The following SPAG16 variants were observed in gnomAD, a reference collection of about 807,000 sequenced individuals.
The protein encoded by SPAG16 is sperm associated antigen 16, also known as sperm-associated antigen 16 protein.
In SPAG16, 86 loss-of-function variants were observed where a neutral mutation model predicts 80.4. The ratio of observed to expected loss-of-function variants is 1.07; its 90% CI spans 0.90 to 1.28. SPAG16 has a LOEUF of 1.28. Among genes scored for constraint, SPAG16 ranks in the 50% most tolerant of loss-of-function variants. SPAG16 has a pLI of 0.00. For synonymous variants in SPAG16, 294 were observed against 265.9 expected, an observed-to-expected ratio of 1.11 and a Z score of -1.03; for missense variants, 870 against 765.3, an observed-to-expected ratio of 1.14 and a Z score of -1.61.
chr2:214,086,472 T>A (rs1369773465), intron 13 of SPAG16, among the ~76,000 whole-genome samples: 3 of 151,986 alleles, frequency 2.0e-5, no homozygotes, highest in East Asian at 1.9e-4. Flanking sequence ...ATGGAGGTGA[T>A]GAGATCATGG....
intron 15 of SPAG16, among the ~76,000 whole-genome samples, chr2:214,175,806 T>C (rs1273567657): frequency 2.0e-5 from 3 of 151,514 alleles, no homozygotes; most frequent in Non-Finnish European, 4.4e-5. Context: ...TCTTCTTCCT[T>C]TTTGTTGTAA....
intron 13 of SPAG16, among the ~76,000 whole-genome samples, chr2:214,022,018 T>A (rs1284688904): frequency 6.6e-6 from 1 of 152,134 alleles, no homozygotes; most frequent in South Asian, 2.1e-4. Context: ...AAGCTCCCCA[T>A]GCTTGTTCCT....
intron 10 of SPAG16, among the ~76,000 whole-genome samples, chr2:213,685,678 G>C (rs192561065): frequency 6.6e-6 from 1 of 152,184 alleles, no homozygotes; most frequent in Non-Finnish European, 1.5e-5. Flanking sequence ...CAAGACAATA[G>C]GTCCTGAAGG....
chr2:214,339,684 A>G (rs921951803), intron 15 of SPAG16, among the ~76,000 whole-genome samples: 1 of 152,220 alleles, frequency 6.6e-6, no homozygotes, highest in African/African-American at 2.4e-5. Flanking sequence ...AAACTTCTCA[A>G]TATAAATTTC....
chr2:214,397,641 T>C lies in SPAG16; in HGVS notation c.1721-12499T>C, dbSNP rs116576342. 3.1e-3 allele frequency among the ~76,000 whole-genome samples: 472 copies of C among 152,236 alleles called. 1 individual carries two copies. The highest frequency in any genetic ancestry group is 0.011 in the African/African-American group (460 of 41,544). On this transcript the variant is annotated intron_variant, in intron 15 of 15. Coordinates refer to ENST00000331683, the MANE Select transcript of SPAG16 (RefSeq NM_024532.5). Reference sequence around the variant, plus strand: ...AACATTGGCAGTCTATTTAACAAAATACTTGAGCTGATTTATTGATAAAAC... The same window carrying C: ...AACATTGGCAGTCTATTTAACAAAACACTTGAGCTGATTTATTGATAAAAC...
chr2:213,646,882 A>G (rs2062841673), intron 10 of SPAG16, among the ~76,000 whole-genome samples: 1 of 152,226 alleles, frequency 6.6e-6, no homozygotes, highest in African/African-American at 2.4e-5. Flanking sequence ...GCTGAATATC[A>G]TGTAATATGC....
chr2:213,649,924 G>A (rs1159014160), intron 10 of SPAG16, among the ~76,000 whole-genome samples: 1 of 152,028 alleles, frequency 6.6e-6, no homozygotes, highest in Non-Finnish European at 1.5e-5. Context: ...AGTTATTCAG[G>A]ATTTAGCATC....
intron 15 of SPAG16, among the ~76,000 whole-genome samples, chr2:214,194,603 A>G (rs2057772256): frequency 1.3e-5 from 2 of 152,084 alleles, no homozygotes; most frequent in Non-Finnish European, 2.9e-5. Flanking sequence ...AACACAATAG[A>G]GGTTTGCTAG....
At chr2:213,295,294 A>G (rs527527593) in intron 1 of SPAG16, among the ~76,000 whole-genome samples, 3 of 152,250 alleles carry the variant, frequency 2.0e-5, no homozygotes, top group Admixed American at 6.5e-5. Flanking sequence ...GATTTAACAT[A>G]AAATATTGTC....
intron 10 of SPAG16, among the ~76,000 whole-genome samples, chr2:213,781,668 T>C (rs1183650457): frequency 2.6e-5 from 4 of 152,216 alleles, no homozygotes; most frequent in Non-Finnish European, 5.9e-5. Context: ...ATATCCACTC[T>C]GTACCTAGGG....
intron 10 of SPAG16, among the ~76,000 whole-genome samples, chr2:213,825,619 G>T (rs2073230330): frequency 6.6e-6 from 1 of 150,604 alleles, no homozygotes. Flanking sequence ...TGTTGAATTT[G>T]GTTTGCTAGT....
At chr2:213,970,492 A>G (rs2044980116) in intron 12 of SPAG16, among the ~76,000 whole-genome samples, 1 of 151,922 alleles carries the variant, frequency 6.6e-6, no homozygotes, top group Non-Finnish European at 1.5e-5. Flanking sequence ...TTGTAGAGAC[A>G]GGTTTCACCA....
rs764845753 is a variant in SPAG16, at chr2:213,296,083, A to G, written c.156A>G (p.Ala52=). The G allele has an allele frequency of 4.3e-6, 7 of 1,609,872 alleles. No individual in the cohort carries two copies. The East Asian group carries it at 1.3e-4, about 31-fold the overall frequency. ...YYLEQVTITE[A]SEDDYEYEEI... The stretch of plus-strand genomic sequence containing the variant: ...ATTCAGAGGTCACCATAACTGAAGC[A>G]TCTGAAGATGACTATGAATATGAAG... Residue 52 remains alanine, a synonymous_variant, in exon 2 of 16, where the codon GCA becomes GCG. Transcript: ENST00000331683.
chr2:213,693,020 AC>A (rs1175477704), intron 10 of SPAG16, among the ~76,000 whole-genome samples: 6 of 152,236 alleles, frequency 3.9e-5, no homozygotes, highest in African/African-American at 1.4e-4. Flanking sequence ...AATCTTTATT[AC>A]AAAAGAATCA....
intron 10 of SPAG16, among the ~76,000 whole-genome samples, chr2:213,810,588 A>G (rs1382296639): frequency 4.6e-5 from 7 of 152,192 alleles, no homozygotes; most frequent in Non-Finnish European, 8.8e-5. Context: ...CTCAGCTAAT[A>G]CATAAGATAA....
intron 10 of SPAG16, among the ~76,000 whole-genome samples, chr2:213,626,674 G>T (rs1329016748): frequency 7.5e-6 from 1 of 133,222 alleles, no homozygotes; most frequent in Non-Finnish European, 1.5e-5. Flanking sequence ...TTTGAAGATG[G>T]AGTCTCTTTG....
At chr2:213,428,335 C>A (rs549824098) in intron 9 of SPAG16, among the ~76,000 whole-genome samples, 1 of 152,244 alleles carries the variant, frequency 6.6e-6, no homozygotes, top group Admixed American at 6.5e-5. Flanking sequence ...AGCCCTGAAT[C>A]TAAATTGGAG....
intron 15 of SPAG16, among the ~76,000 whole-genome samples, chr2:214,246,320 C>T (rs1480040303): frequency 1.3e-5 from 2 of 152,130 alleles, no homozygotes; most frequent in Non-Finnish European, 2.9e-5. Context: ...ATTTCTCATC[C>T]AACATTCTCT....
Position 213,310,189 on chromosome 2 carries a change from T to C in SPAG16, c.398+12T>C, listed in dbSNP as rs1192319269. On this transcript the variant is annotated intron_variant, in intron 4 of 15. Transcript: ENST00000331683. ...TTTCAGTCTGAATGGTAAACAATTA[T>C]GTAGATAAATAGTTCTCTTAAAATT... 2.0e-6 allele frequency: 3 copies of C among 1,510,368 alleles called. No individual in the cohort carries two copies. Among genetic ancestry groups the C allele is most frequent in the Non-Finnish European group, 2.7e-6 (3 of 1,092,408 alleles). The allele number at this position is 1,510,368 out of a possible 1,614,324, so 93.6% of individuals were successfully genotyped here. A position where few individuals can be genotyped will look rare whatever the true frequency, so the allele number is the denominator to read the frequency against.
Sources: gnomAD v4.1 joint callset for allele counts (sites outside exome capture counted in the v4.1 genomes callset) on GRCh38, gnomAD v4.1.1 for gene constraint, MANE v1.5 for transcripts, NCBI Gene and HGNC (gene_info 2026-07-23, HGNC 2026-07-21) for gene names.